The following SEMA3E variants were observed in gnomAD, a reference collection of about 807,000 sequenced individuals.
SEMA3E encodes semaphorin-3E.
Under a neutral mutation model 93.6 loss-of-function variants are expected in SEMA3E, and 49 were observed. The observed-to-expected ratio is 0.52, with a 90% CI of 0.42 to 0.66. SEMA3E has a LOEUF of 0.66. SEMA3E is among the 30% of genes least tolerant of loss of function. The pLI, the probability that SEMA3E is intolerant of heterozygous loss-of-function variation, is 0.00. For synonymous variants in SEMA3E, 363 were observed against 330.7 expected (o/e 1.10, Z -1.06); for missense variants, 906 against 964.8 (o/e 0.94, Z 0.81).
At chr7:83,446,690 T>C (rs1045398480) in intron 4 of SEMA3E, among the ~76,000 whole-genome samples, 1 of 152,200 alleles carries the variant, frequency 6.6e-6, no homozygotes, top group Non-Finnish European at 1.5e-5. Context: ...TGCATCAATA[T>C]AGTATGTAAT....
chr7:83,447,341 C>A (rs1474257877), intron 4 of SEMA3E, among the ~76,000 whole-genome samples: 1 of 152,010 alleles, frequency 6.6e-6, no homozygotes, highest in African/African-American at 2.4e-5. Flanking sequence ...TGGAGACCAT[C>A]CTGGCCAATA....
Position 83,466,477 on chromosome 7 carries a change from C to T in SEMA3E, c.456+5G>A. ...TTATTGACAGCAATGAATGAAACAT[C>T]TTACCTCCAAATGATATCCAACTCT... On this transcript the variant is annotated splice_donor_5th_base_variant and intron_variant, in intron 4 of 16. Coordinates refer to ENST00000643230, the MANE Select transcript of SEMA3E (RefSeq NM_012431.3). 2 of 1,613,848 alleles carry T rather than the reference C, an allele frequency of 1.2e-6. No homozygotes were observed. The highest frequency in any genetic ancestry group is 1.7e-6 in the Non-Finnish European group (2 of 1,179,924).
chr7:83,463,295 A>C (rs2466438), intron 4 of SEMA3E, among the ~76,000 whole-genome samples: 118,535 of 151,342 alleles, frequency 0.78, 47,417 homozygotes, highest in South Asian at 0.89. Flanking sequence ...TAGCCTAGCC[A>C]TCATGTCTGG....
Position 83,535,810 on chromosome 7 carries a change from TA to T in SEMA3E, c.116-45537del, listed in dbSNP as rs148258412. ...AAATAAAGATCTTGTAAATAGTTTA[TA>T]AAAAAATGCAGTGGGAAAAATTTCA... On this transcript the variant is annotated intron_variant, in intron 1 of 16. Coordinates refer to ENST00000643230, the MANE Select transcript of SEMA3E (RefSeq NM_012431.3). Among the ~76,000 whole-genome samples the T allele has an allele frequency of 4.3e-3, 653 of 152,164 alleles. 8 individuals are homozygous for T. The highest frequency in any genetic ancestry group is 0.015 in the African/African-American group (630 of 41,540).
intron 1 of SEMA3E, among the ~76,000 whole-genome samples, chr7:83,615,608 A>G (rs930887459): frequency 6.6e-6 from 1 of 152,114 alleles, no homozygotes; most frequent in Admixed American, 6.6e-5. Flanking sequence ...AAAAAGAATA[A>G]CATTAATAAT....
At chr7:83,643,405 C>T (rs1794039400) in intron 1 of SEMA3E, among the ~76,000 whole-genome samples, 1 of 151,870 alleles carries the variant, frequency 6.6e-6, no homozygotes, top group Admixed American at 6.6e-5. Flanking sequence ...ATAAATTTTC[C>T]ACTCCAAAAT....
intron 14 of SEMA3E, among the ~76,000 whole-genome samples, chr7:83,390,106 T>C (rs1179898650): frequency 1.9e-5 from 2 of 106,864 alleles, no homozygotes; most frequent in East Asian, 6.1e-4. Context: ...CGTATACGTG[T>C]GCACATATAT....
At chr7:83,500,588 T>C (rs1342445334) in intron 1 of SEMA3E, among the ~76,000 whole-genome samples, 5 of 101,204 alleles carry the variant, frequency 4.9e-5, no homozygotes, top group African/African-American at 1.5e-4. Flanking sequence ...CTAACTTTCT[T>C]CCTTTTTTTT....
chr7:83,561,178 T>C (rs989590298), intron 1 of SEMA3E, among the ~76,000 whole-genome samples: 3 of 152,082 alleles, frequency 2.0e-5, no homozygotes, highest in African/African-American at 7.2e-5. Flanking sequence ...GAAAATAAGT[T>C]AATGAGTTGA....
intron 1 of SEMA3E, among the ~76,000 whole-genome samples, chr7:83,622,128 TAAAC>T (rs947315810): frequency 6.6e-6 from 1 of 151,472 alleles, no homozygotes. Flanking sequence ...ACGAGGAACT[TAAAC>T]AAATTTACAA....
intron 4 of SEMA3E, among the ~76,000 whole-genome samples, chr7:83,442,656 G>GGTTTT (rs923212263): frequency 2.6e-5 from 4 of 151,848 alleles, no homozygotes; most frequent in African/African-American, 4.8e-5. Context: ...TTTGTTTGTG[G>GGTTTT]GTTTTGTTTT....
intron 1 of SEMA3E, among the ~76,000 whole-genome samples, chr7:83,595,722 T>C (rs1388159065): frequency 6.6e-6 from 1 of 152,052 alleles, no homozygotes; most frequent in Non-Finnish European, 1.5e-5. Context: ...ATAATTAGAT[T>C]GATGTAGTGC....
chr7:83,460,482 G>A (rs1055677060), intron 4 of SEMA3E, among the ~76,000 whole-genome samples: 9 of 152,050 alleles, frequency 5.9e-5, no homozygotes, highest in East Asian at 1.9e-4. Context: ...CAGGGACGCC[G>A]CTCTGATTAT....
At chr7:83,508,698 T>C (rs1221457558) in intron 1 of SEMA3E, among the ~76,000 whole-genome samples, 4 of 152,226 alleles carry the variant, frequency 2.6e-5, no homozygotes, top group African/African-American at 7.2e-5. Flanking sequence ...CATTTTAAAT[T>C]ATATTTTATT....
chr7:83,500,908 T>C (rs192993692), intron 1 of SEMA3E, among the ~76,000 whole-genome samples: 1 of 152,234 alleles, frequency 6.6e-6, no homozygotes, highest in African/African-American at 2.4e-5. Flanking sequence ...TTCAAAATAC[T>C]TTCATGTATT....
intron 4 of SEMA3E, among the ~76,000 whole-genome samples, chr7:83,463,663 G>A (rs1258479763): frequency 2.6e-5 from 4 of 152,104 alleles, no homozygotes; most frequent in Non-Finnish European, 5.9e-5. Flanking sequence ...GGTTCCACCA[G>A]GCCTAATCAC....
At position 83,396,041 on chromosome 7, in the gene SEMA3E, A is replaced by ATGTGTGTG. The variant is rs3043167; in HGVS notation, c.1458+589_1458+596dup. 4.0e-3 allele frequency among the ~76,000 whole-genome samples: 603 copies of ATGTGTGTG among 149,114 alleles called. 4 individuals are homozygous for ATGTGTGTG. The highest frequency in any genetic ancestry group is 0.01 in the East Asian group (51 of 4,952). ...AAACTGCTGCAAATGATACGACTTG[A>ATGTGTGTG]TGTGTGTGTGTGTGTGTGTGTGTGT... On this transcript the variant is annotated intron_variant, in intron 12 of 16. Coordinates refer to ENST00000643230, the MANE Select transcript of SEMA3E (RefSeq NM_012431.3).
At chr7:83,570,350 G>A (rs1422493000) in intron 1 of SEMA3E, among the ~76,000 whole-genome samples, 3 of 150,868 alleles carry the variant, frequency 2.0e-5, no homozygotes, top group Admixed American at 6.6e-5. Flanking sequence ...TCAGGAGATC[G>A]AGACCATCCC....
At chr7:83,447,741 T>A (rs1023236895) in intron 4 of SEMA3E, among the ~76,000 whole-genome samples, 99 of 152,332 alleles carry the variant, frequency 6.5e-4, no homozygotes, top group Non-Finnish European at 2.9e-4. Context: ...TGGAAAATGC[T>A]GGAGACGATA....
Sources: gnomAD v4.1 joint callset for allele counts (sites outside exome capture counted in the v4.1 genomes callset) on GRCh38, gnomAD v4.1.1 for gene constraint, MANE v1.5 for transcripts, NCBI Gene and HGNC (gene_info 2026-07-23, HGNC 2026-07-21) for gene names.